FAM53A: variants seen among roughly 807,000 people sequenced by gnomAD.
The protein encoded by FAM53A is family with sequence similarity 53 member A.
In FAM53A, 28 loss-of-function variants were observed where a neutral mutation model predicts 26.6. The ratio of observed to expected loss-of-function variants is 1.05; its 90% CI spans 0.78 to 1.45. The LOEUF (loss-of-function observed/expected upper bound fraction) is 1.45. FAM53A is among the 40% of genes most tolerant of loss of function. The probability of loss-of-function intolerance (pLI) is 0.00; values close to 1 mark genes in which losing one functional copy is unlikely to be tolerated. For missense variants in FAM53A, 650 were observed against 575.8 expected (o/e 1.13, Z -1.32); for synonymous variants, 290 against 253.1 (o/e 1.15, Z -1.38).
At chr4:1,633,293 T>C (rs978998836) in intron 1 of FAM53A, among the ~76,000 whole-genome samples, 2 of 152,198 alleles carry the variant, frequency 1.3e-5, no homozygotes, top group Non-Finnish European at 2.9e-5. Context: ...TGCAAAGGTC[T>C]AAAGAAGCAG....
chr4:1,655,106 GC>G lies in FAM53A; in HGVS notation c.753del (p.Arg252AlafsTer39), dbSNP rs1204864387. ...SSPTSTPALG[G>X]RRGLLRCRSQ... is the part of the protein sequence containing the mutation. ...GAGCGGCACCGGAGCAGCCCACGGC[GC>G]CCGCCCAGCGCAGGCGTGGACGTGG... On this transcript the variant is annotated frameshift_variant, in exon 4 of 5. Transcript: ENST00000308132. LOFTEE classifies it high-confidence loss of function. 6.3e-6 allele frequency: 10 copies of G among 1,599,988 alleles called. No homozygotes were observed. Among genetic ancestry groups the G allele is most frequent in the Non-Finnish European group, 8.5e-6 (10 of 1,173,320 alleles).
At chr4:1,606,556 C>A in the FAM53A span, among the ~76,000 whole-genome samples, 6 of 152,182 alleles carry the variant, frequency 3.9e-5, no homozygotes, top group Non-Finnish European at 5.9e-5. Context: ...TCCTGCCTAC[C>A]GCGTGACTCA....
chr4:1,609,086 T>C, the FAM53A span, among the ~76,000 whole-genome samples: 65 of 152,192 alleles, frequency 4.3e-4, 1 homozygote, highest in African/African-American at 1.3e-3. Flanking sequence ...CCCCAAGCCC[T>C]GGCTCCTGCT....
intron 4 of FAM53A, among the ~76,000 whole-genome samples, 180 bp from the exon 5 acceptor site, chr4:1,641,787 T>C (rs1396328683): frequency 6.6e-6 from 1 of 152,062 alleles, no homozygotes; most frequent in Non-Finnish European, 1.5e-5. Flanking sequence ...TCTCAGACCC[T>C]GCCCATGCCC....
chr4:1,641,793 T>C (rs926823737), intron 4 of FAM53A, among the ~76,000 whole-genome samples, 186 bp from the exon 5 acceptor site: 1 of 152,034 alleles, frequency 6.6e-6, no homozygotes, highest in African/African-American at 2.4e-5. Context: ...ACCCTGCCCA[T>C]GCCCGCCCCA....
chr4:1,652,243 CCA>C (rs1455536562), intron 4 of FAM53A, among the ~76,000 whole-genome samples: 4 of 144,102 alleles, frequency 2.8e-5, no homozygotes, highest in South Asian at 2.3e-4. Context: ...CGCACACACA[CCA>C]CACACACCAC....
downstream of FAM53A, among the ~76,000 whole-genome samples, chr4:1,638,105 G>C (rs564457795): frequency 6.6e-6 from 1 of 152,080 alleles, no homozygotes; most frequent in East Asian, 1.9e-4. Context: ...GCATCCACAC[G>C]AGGCAGCAGG....
Position 1,655,213 on chromosome 4 carries a change from G to A in FAM53A, c.647C>T (p.Pro216Leu), listed in dbSNP as rs1427415768. The A allele has an allele frequency of 6.4e-7, 1 of 1,554,488 alleles. No individual in the cohort carries two copies. The highest frequency in any genetic ancestry group is 1.9e-5 in the Admixed American group (1 of 52,418). ...GAGGGACGGGCGGCGCCTCGTGGAG[G>A]GCAAGCAGGACTCCGCGGAACACCA... is the stretch of plus-strand genomic sequence containing the variant. Reference protein sequence around the residue: ...PLWCSAESCLPSTRRRPSLSQ... With the variant: ...PLWCSAESCLLSTRRRPSLSQ... The change falls in exon 4 of 5, where the codon CCC (proline) becomes CTC (leucine). Residue 216 changes from proline (P) to leucine (L), a missense_variant. Physicochemically the swap from Pro to Leu is moderately conservative, Grantham distance 98. Coordinates refer to ENST00000308132, the MANE Select transcript of FAM53A (RefSeq NM_001174070.3).
chr4:1,597,326 C>T, the FAM53A span, among the ~76,000 whole-genome samples: 1 of 152,172 alleles, frequency 6.6e-6, no homozygotes, highest in Non-Finnish European at 1.5e-5. Context: ...AGAACCCCAC[C>T]GGCCCGACAC....
Position 1,655,317 on chromosome 4 carries a change from C to T in FAM53A, c.543G>A (p.Ser181=), listed in dbSNP as rs534229442. The change falls in exon 4 of 5, where the codon TCG becomes TCA. Residue 181 remains serine (S), a synonymous_variant. Transcript: ENST00000308132. ...CGGAGGACGGCCGGGGCGTGGCGGG[C>T]GAGGTGGGACCGGTCGACCACACAG... is the stretch of plus-strand genomic sequence containing the variant. ...RSAVWSTGPT[S]PATPRPSSAS... 4.9e-6 allele frequency: 7 copies of T among 1,417,844 alleles called. No homozygotes were observed. The highest frequency in any genetic ancestry group is 2.8e-5 in the East Asian group (1 of 35,542). 87.8% of individuals were successfully genotyped at this position (1,417,844 alleles called of 1,614,324 possible).
chr4:1,596,131 T>C, the FAM53A span, among the ~76,000 whole-genome samples: 2 of 151,952 alleles, frequency 1.3e-5, no homozygotes, highest in East Asian at 3.9e-4. Flanking sequence ...GAGGGTTGGC[T>C]CCAAGGCCAC....
intron 1 of FAM53A, among the ~76,000 whole-genome samples, chr4:1,623,732 C>T (rs1457109153): frequency 2.0e-5 from 3 of 152,246 alleles, no homozygotes; most frequent in East Asian, 1.9e-4. Flanking sequence ...GCGGCCGCCG[C>T]GGATCGGACG....
At chr4:1,675,472 C>T (rs1158266523) in intron 1 of FAM53A, among the ~76,000 whole-genome samples, 4 of 152,182 alleles carry the variant, frequency 2.6e-5, no homozygotes, top group Non-Finnish European at 4.4e-5. Context: ...ACGGCTACAA[C>T]GAACTCACTT....
chr4:1,593,643 G>A, the FAM53A span, among the ~76,000 whole-genome samples: 4 of 152,040 alleles, frequency 2.6e-5, no homozygotes, highest in Admixed American at 1.3e-4. Flanking sequence ...AAGATAGCGC[G>A]ATACTGTCGA....
chr4:1,640,307 C>T lies in FAM53A; in HGVS notation c.*986G>A, dbSNP rs751823105. Reference sequence around the variant, plus strand: ...GACAAGGTTCATGGGCACAGATGCCCATGCGCAAGCCCCAAGCACCGTGAC... The same window carrying T: ...GACAAGGTTCATGGGCACAGATGCCTATGCGCAAGCCCCAAGCACCGTGAC... On this transcript the variant is annotated 3_prime_UTR_variant, in exon 5 of 5. Transcript: ENST00000308132. 1.1e-4 allele frequency: 22 copies of T among 202,006 alleles called. No homozygotes were observed. Among genetic ancestry groups the T allele is most frequent in the Non-Finnish European group, 1.3e-4 (13 of 102,006 alleles). The allele number at this position is 202,006 out of a possible 1,614,324, so 12.5% of individuals were successfully genotyped here. A position where few individuals can be genotyped will look rare whatever the true frequency, so the allele number is the denominator to read the frequency against.
intron 2 of FAM53A, among the ~76,000 whole-genome samples, chr4:1,666,957 G>T (rs1230618020): frequency 6.6e-6 from 1 of 152,164 alleles, no homozygotes; most frequent in Non-Finnish European, 1.5e-5. Context: ...GTGAAACCCT[G>T]TCTCTACTAA....
At chr4:1,636,154 T>A (rs1715829424), downstream of FAM53A, among the ~76,000 whole-genome samples, 1 of 152,178 alleles carries the variant, frequency 6.6e-6, no homozygotes, top group Admixed American at 6.5e-5. Context: ...GCCATGATAC[T>A]AATTCTTTGA....
rs549684884 is a variant in FAM53A, at chr4:1,673,499, C to T, written c.-164-4594G>A. Among the ~76,000 whole-genome samples, 166 of 152,240 alleles carry T rather than the reference C, an allele frequency of 1.1e-3. 2 individuals are homozygous for T. The highest frequency in any genetic ancestry group is 3.9e-3 in the African/African-American group (160 of 41,526). Reference sequence around the variant, plus strand: ...CTGTAATCCCAGCACCTTGGGAGGCCGAGGAGGGTAGATCAGGAGGTCAGG... The same window carrying T: ...CTGTAATCCCAGCACCTTGGGAGGCTGAGGAGGGTAGATCAGGAGGTCAGG... On this transcript the variant is annotated intron_variant, in intron 1 of 4. Transcript: ENST00000308132.
chr4:1,609,896 G>C, the FAM53A span, among the ~76,000 whole-genome samples: 1 of 152,242 alleles, frequency 6.6e-6, no homozygotes, highest in South Asian at 2.1e-4. Context: ...TCAGGAGGCA[G>C]AGGCTGCAGT....
Sources: gnomAD v4.1 joint callset for allele counts (sites outside exome capture counted in the v4.1 genomes callset) on GRCh38, gnomAD v4.1.1 for gene constraint, MANE v1.5 for transcripts, NCBI Gene and HGNC (gene_info 2026-07-23, HGNC 2026-07-21) for gene names.